TTC28: variants seen among roughly 807,000 people sequenced by gnomAD.
TTC28 encodes tetratricopeptide repeat domain 28, also known as tetratricopeptide repeat protein 28.
A neutral mutation model predicts 198.0 loss-of-function variants in TTC28; 61 were observed. That is an observed-to-expected ratio of 0.31 (90% CI 0.25 to 0.38). The LOEUF is 0.38. Among genes scored for constraint, TTC28 ranks in the 10% least tolerant of loss-of-function variants. TTC28 has a pLI of 1.00. For synonymous variants in TTC28, 1,171 were observed against 1,297.8 expected (o/e 0.90, Z 2.10); for missense variants, 2,678 against 3,164.0 (o/e 0.85, Z 3.69).
intron 5 of TTC28, among the ~76,000 whole-genome samples, chr22:28,166,147 C>T (rs1026958203): frequency 6.6e-6 from 1 of 152,118 alleles, no homozygotes; most frequent in African/African-American, 2.4e-5. Flanking sequence ...CATATGCACC[C>T]AATACAGGAG....
intron 5 of TTC28, among the ~76,000 whole-genome samples, chr22:28,228,298 G>C (rs1162742890): frequency 1.3e-5 from 2 of 152,170 alleles, no homozygotes; most frequent in Admixed American, 6.5e-5. Context: ...GGTGGTAGTA[G>C]TTGCAAAACA....
intron 12 of TTC28, among the ~76,000 whole-genome samples, chr22:28,041,105 A>G (rs577337779): frequency 6.6e-6 from 1 of 152,360 alleles, no homozygotes; most frequent in African/African-American, 2.4e-5. Context: ...ATGGAAGAAC[A>G]TTCCATGCTC....
chr22:28,446,759 G>A (rs1413573822), intron 2 of TTC28, among the ~76,000 whole-genome samples: 1 of 152,050 alleles, frequency 6.6e-6, no homozygotes, highest in Non-Finnish European at 1.5e-5. Flanking sequence ...GTAATTTACA[G>A]CAATAAACAG....
chr22:28,469,088 A>G (rs954211327), intron 2 of TTC28, among the ~76,000 whole-genome samples: 16 of 152,258 alleles, frequency 1.1e-4, no homozygotes, highest in African/African-American at 3.9e-4. Flanking sequence ...GTCTGAGGCC[A>G]TGTTTGTCCT....
At position 28,670,718 on chromosome 22, in the gene TTC28, T is replaced by TAC. The variant is rs914047728; in HGVS notation, c.102+8903_102+8904insGT. Among the ~76,000 whole-genome samples, 17 of 150,030 alleles carry TAC rather than the reference T, an allele frequency of 1.1e-4. 2 individuals are homozygous for TAC. Among genetic ancestry groups the TAC allele is most frequent in the African/African-American group, 3.4e-4 (14 of 40,656 alleles). On this transcript the variant is annotated intron_variant, in intron 1 of 22. Coordinates refer to ENST00000397906, the MANE Select transcript of TTC28 (RefSeq NM_001145418.2). ...TGTCTTTAGGGCATATATATATATA[T>TAC]ATATATGAGTGGAATTACTGGGCCA...
At chr22:28,399,463 G>C (rs1163484903) in intron 2 of TTC28, among the ~76,000 whole-genome samples, 1 of 151,668 alleles carries the variant, frequency 6.6e-6, no homozygotes, top group Non-Finnish European at 1.5e-5. Context: ...TGGGACTACA[G>C]GCATGCACCA....
At chr22:28,633,327 T>C (rs2051211501) in intron 1 of TTC28, among the ~76,000 whole-genome samples, 1 of 151,446 alleles carries the variant, frequency 6.6e-6, no homozygotes, top group Non-Finnish European at 1.5e-5. Context: ...AAATTTTTTT[T>C]TCAAAAAGAA....
At chr22:28,137,680 G>A (rs1943230457) in intron 6 of TTC28, among the ~76,000 whole-genome samples, 1 of 151,962 alleles carries the variant, frequency 6.6e-6, no homozygotes, top group African/African-American at 2.4e-5. Flanking sequence ...TGCCTCAGAA[G>A]TCATATAATA....
intron 5 of TTC28, among the ~76,000 whole-genome samples, chr22:28,165,998 T>C (rs1346048677): frequency 1.3e-5 from 2 of 151,260 alleles, no homozygotes; most frequent in African/African-American, 4.9e-5. Context: ...ACCAAGCAAA[T>C]GGAAAACAAA....
chr22:28,336,058 A>C (rs151147706), intron 2 of TTC28, among the ~76,000 whole-genome samples: 2,658 of 152,234 alleles, frequency 0.017, 76 homozygotes, highest in African/African-American at 0.061. Flanking sequence ...AGGGCTGTTG[A>C]ATTTTGTCAA....
At chr22:28,296,099 AT>A (rs1216118437) in intron 5 of TTC28, 98 bp downstream of exon 5, 9 of 1,278,514 alleles carry the variant, frequency 7.0e-6, no homozygotes, top group Non-Finnish European at 9.5e-6. Flanking sequence ...TGAAAGTAAT[AT>A]TTTAAGATAC....
At chr22:28,350,645 C>G (rs9625454) in intron 2 of TTC28, among the ~76,000 whole-genome samples, 34 of 152,220 alleles carry the variant, frequency 2.2e-4, no homozygotes, top group Admixed American at 1.9e-3. Context: ...CCACGGCATG[C>G]ACGCACACGC....
chr22:28,069,925 AACACACACACAC>A lies in TTC28; in HGVS notation c.3932+24143_3932+24154del, dbSNP rs60436240. Among the ~76,000 whole-genome samples the A allele has an allele frequency of 1.2e-3, 170 of 142,146 alleles. 1 individual carries two copies. Among genetic ancestry groups the A allele is most frequent in the Middle Eastern group, 3.6e-3 (1 of 280 alleles). 93.3% of individuals were successfully genotyped at this position (142,146 alleles called of 152,430 possible). A position where few individuals can be genotyped will look rare whatever the true frequency, so the allele number is the denominator to read the frequency against. ...CTACACTAAATTGAAAGGTTGTACA[AACACACACACAC>A]ACACACACACACACACACACACACA... On this transcript the variant is annotated intron_variant, in intron 12 of 22. Coordinates refer to ENST00000397906, the MANE Select transcript of TTC28 (RefSeq NM_001145418.2).
At chr22:28,192,337 GA>G (rs898242670) in intron 5 of TTC28, among the ~76,000 whole-genome samples, 5 of 151,736 alleles carry the variant, frequency 3.3e-5, no homozygotes, top group South Asian at 2.1e-4. Context: ...CAAAGATGGG[GA>G]AAAAAAAGAG....
intron 2 of TTC28, among the ~76,000 whole-genome samples, chr22:28,534,497 C>G (rs1289233278): frequency 1.3e-5 from 2 of 152,198 alleles, no homozygotes; most frequent in Non-Finnish European, 2.9e-5. Flanking sequence ...TTGTGGAAGA[C>G]AGTGTGGCGA....
At chr22:28,088,568 A>G (rs1362352897) in intron 12 of TTC28, among the ~76,000 whole-genome samples, 2 of 152,232 alleles carry the variant, frequency 1.3e-5, no homozygotes, top group Non-Finnish European at 2.9e-5. Flanking sequence ...CCCTAGAAAA[A>G]AACCTAGGCA....
rs1235012574 is a variant in TTC28, at chr22:28,395,448, G to A, written c.382-88805C>T. Among the ~76,000 whole-genome samples the A allele has an allele frequency of 2.6e-5, 4 of 151,848 alleles. No individual in the cohort carries two copies. In the South Asian group the frequency reaches 8.3e-4, roughly 32 times the overall value. ...GGAGATCGAGCCCATCCTGGCTAAC[G>A]CGGTAAAACCCCAACTCTACTAAAA... On this transcript the variant is annotated intron_variant, in intron 2 of 22. Transcript: ENST00000397906.
chr22:28,039,808 T>A (rs1939538378), intron 12 of TTC28, among the ~76,000 whole-genome samples: 1 of 151,916 alleles, frequency 6.6e-6, no homozygotes, highest in South Asian at 2.1e-4. Context: ...GAGCCTTTTT[T>A]AAAAGATCAA....
chr22:28,413,983 G>GA (rs1264669330), intron 2 of TTC28, among the ~76,000 whole-genome samples: 1 of 152,130 alleles, frequency 6.6e-6, no homozygotes, highest in East Asian at 1.9e-4. Flanking sequence ...TTCAAACTCA[G>GA]AAAAAAATTC....
Sources: allele counts gnomAD v4.1 joint callset (sites outside exome capture counted in the v4.1 genomes callset), GRCh38; gene constraint gnomAD v4.1.1; transcripts MANE v1.5; gene names NCBI Gene and HGNC (gene_info 2026-07-23, HGNC 2026-07-21).